Variants in KLF8 observed in about 807,000 individuals in gnomAD.
The protein encoded by KLF8 is Krueppel-like factor 8.
Under a neutral mutation model 18.2 loss-of-function variants are expected in KLF8, and 10 were observed. The ratio of observed to expected loss-of-function variants is 0.55; its 90% CI spans 0.34 to 0.93. The LOEUF (loss-of-function observed/expected upper bound fraction) is 0.93, where lower values mean the gene tolerates loss of function less well. Among genes scored for constraint, KLF8 ranks in the 40% least tolerant of loss-of-function variants. KLF8 has a pLI of 0.02. For synonymous variants in KLF8, 109 were observed against 97.3 expected (o/e 1.12, Z -0.71); for missense variants, 264 against 277.9 (o/e 0.95, Z 0.36).
At chrX:55,990,529 C>G in the KLF8 span, among the ~76,000 whole-genome samples, 2 of 112,166 alleles carry the variant, frequency 1.8e-5, no homozygotes, top group Admixed American at 1.9e-4. Context: ...GTTTCTTAAT[C>G]TCACTGCTGG....
chrX:56,051,168 A>G, the KLF8 span, among the ~76,000 whole-genome samples: 4 of 111,344 alleles, frequency 3.6e-5, no homozygotes, highest in African/African-American at 1.3e-4. Flanking sequence ...GTGTCTCTGT[A>G]CGTGAGATGG....
chrX:56,024,133 T>C, the KLF8 span, among the ~76,000 whole-genome samples: 1 of 111,883 alleles, frequency 8.9e-6, no homozygotes. Flanking sequence ...TTTTAAAAAA[T>C]TTATTTTACA....
the KLF8 span, among the ~76,000 whole-genome samples, chrX:55,929,178 A>G: frequency 8.9e-6 from 1 of 112,317 alleles, no homozygotes; most frequent in Non-Finnish European, 1.9e-5. Context: ...TTCTTTTGAG[A>G]AGTGTCTGTT....
intron 4 of KLF8, 76 bp downstream of exon 4, chrX:56,269,565 A>G: frequency 2.8e-6 from 3 of 1,070,696 alleles, no homozygotes; most frequent in South Asian, 5.8e-5. Flanking sequence ...GCACATATGT[A>G]TAGGTGGAAC....
At chrX:56,146,678 G>C in the KLF8 span, among the ~76,000 whole-genome samples, 1 of 102,502 alleles carries the variant, frequency 9.8e-6, no homozygotes, top group Non-Finnish European at 2.0e-5. Flanking sequence ...AAACCTGCAC[G>C]TTCTGCACAT....
intron 2 of KLF8, among the ~76,000 whole-genome samples, chrX:56,253,125 G>A (rs1184179176): frequency 8.9e-6 from 1 of 112,059 alleles, no homozygotes; most frequent in Non-Finnish European, 1.9e-5. Flanking sequence ...GTTGTCAGAT[G>A]GGTAGTTTAC....
chrX:56,126,752 C>CTTTCT, the KLF8 span, among the ~76,000 whole-genome samples: 1 of 72,601 alleles, frequency 1.4e-5, no homozygotes, highest in African/African-American at 4.3e-5. Context: ...TTCTTTCTTT[C>CTTTCT]TTTTTTTTTT....
the KLF8 span, among the ~76,000 whole-genome samples, chrX:56,025,617 A>G: frequency 9.0e-6 from 1 of 111,694 alleles, no homozygotes. Context: ...TAGTGGCACA[A>G]GTGTCGAATT....
the KLF8 span, among the ~76,000 whole-genome samples, chrX:56,103,408 C>T: frequency 9.0e-6 from 1 of 111,244 alleles, no homozygotes; most frequent in South Asian, 3.8e-4. Flanking sequence ...TTGTAGTTCT[C>T]CTTGAAGAGA....
the KLF8 span, among the ~76,000 whole-genome samples, chrX:56,052,516 G>C: frequency 9.0e-6 from 1 of 111,661 alleles, no homozygotes; most frequent in East Asian, 2.8e-4. Flanking sequence ...ATGTCTGTTG[G>C]AATACCTGCC....
the KLF8 span, among the ~76,000 whole-genome samples, chrX:56,080,977 C>G: frequency 1.9e-4 from 21 of 110,966 alleles, no homozygotes; most frequent in Admixed American, 1.9e-3. Flanking sequence ...ACGTAGTTCT[C>G]GAGCCTTGGT....
At chrX:56,080,891 C>G in the KLF8 span, among the ~76,000 whole-genome samples, 1 of 110,888 alleles carries the variant, frequency 9.0e-6, no homozygotes, top group Non-Finnish European at 1.9e-5. Flanking sequence ...CGCTTCATTT[C>G]ATTCATTTCA....
the KLF8 span, among the ~76,000 whole-genome samples, chrX:56,189,346 G>A: frequency 1.8e-5 from 2 of 111,736 alleles, no homozygotes; most frequent in Non-Finnish European, 1.9e-5. Context: ...AGTTAGAATG[G>A]CAATCATTAA....
chrX:56,179,555 C>T, the KLF8 span, among the ~76,000 whole-genome samples: 1 of 112,063 alleles, frequency 8.9e-6, no homozygotes, highest in Non-Finnish European at 1.9e-5. Flanking sequence ...AAGAGGGCAT[C>T]CCTGTCTTGT....
At chrX:56,253,325 G>A (rs1210272115) in intron 2 of KLF8, among the ~76,000 whole-genome samples, 1 of 112,039 alleles carries the variant, frequency 8.9e-6, no homozygotes. Flanking sequence ...ATTTTCTGCA[G>A]CAGTTTCATA....
At chrX:55,971,585 T>C in the KLF8 span, among the ~76,000 whole-genome samples, 3 of 110,125 alleles carry the variant, frequency 2.7e-5, no homozygotes, top group Admixed American at 2.0e-4. Context: ...TAAAAAGCTG[T>C]ACAGCAAAGG....
At chrX:56,120,251 C>T in the KLF8 span, among the ~76,000 whole-genome samples, 1 of 111,601 alleles carries the variant, frequency 9.0e-6, no homozygotes, top group African/African-American at 3.3e-5. Context: ...GCTAACAGTG[C>T]CCAGCTTTAG....
the KLF8 span, among the ~76,000 whole-genome samples, chrX:55,955,260 C>A: frequency 1.8e-5 from 2 of 110,862 alleles, no homozygotes; most frequent in African/African-American, 3.3e-5. Context: ...GAAAGAACAG[C>A]AAGCAAAAAA....
the KLF8 span, among the ~76,000 whole-genome samples, chrX:56,212,929 G>T: frequency 1.8e-5 from 2 of 111,899 alleles, no homozygotes; most frequent in Non-Finnish European, 3.8e-5. Flanking sequence ...ATTGTTGTTA[G>T]CCTAGGCAGC....
Sources: allele counts gnomAD v4.1 joint callset (sites outside exome capture counted in the v4.1 genomes callset), GRCh38; gene constraint gnomAD v4.1.1; transcripts MANE v1.5; gene names NCBI Gene and HGNC (gene_info 2026-07-23, HGNC 2026-07-21).